Variants in CHCT1 observed in about 807,000 individuals in gnomAD.
The protein encoded by CHCT1 is CHD1 helical C-terminal domain containing 1.
chr17:60,421,906 G>T, the CHCT1 span: 1 of 985,424 alleles, frequency 1.0e-6, no homozygotes, highest in East Asian at 1.1e-4. Context: ...GTGTGAAGCG[G>T]GACCGCTGCG....
the CHCT1 span, chr17:60,422,430 G>T: frequency 1.3e-6 from 2 of 1,487,890 alleles, no homozygotes; most frequent in Non-Finnish European, 1.8e-6. Context: ...ATGGGAGCGG[G>T]GTGGGGGGCT....
chr17:60,428,777 G>C, the CHCT1 span, among the ~76,000 whole-genome samples: 1 of 151,652 alleles, frequency 6.6e-6, no homozygotes, highest in African/African-American at 2.4e-5. Flanking sequence ...ATGAGCCACC[G>C]CACCAGGCCG....
the CHCT1 span, among the ~76,000 whole-genome samples, chr17:60,423,870 C>A: frequency 6.6e-6 from 1 of 152,198 alleles, no homozygotes; most frequent in Non-Finnish European, 1.5e-5. Flanking sequence ...GTTTATTAGT[C>A]CATTTTGCAT....
the CHCT1 span, chr17:60,421,610 C>A: frequency 2.0e-6 from 2 of 980,662 alleles, no homozygotes; most frequent in South Asian, 9.4e-5. Context: ...AACGGTCTCT[C>A]GTCGCCGGGA....
chr17:60,425,718 T>G, the CHCT1 span: 8 of 1,276,712 alleles, frequency 6.3e-6, no homozygotes, highest in African/African-American at 1.2e-4. Context: ...GGTCAGTCCC[T>G]GCCAGCACTG....
chr17:60,425,773 C>T, the CHCT1 span: 1 of 1,546,212 alleles, frequency 6.5e-7, no homozygotes, highest in East Asian at 2.4e-5. Flanking sequence ...TGCCCCCTGC[C>T]TCCTCCTAGG....
At chr17:60,423,533 G>A in the CHCT1 span, among the ~76,000 whole-genome samples, 5 of 151,756 alleles carry the variant, frequency 3.3e-5, no homozygotes, top group Non-Finnish European at 4.4e-5. Flanking sequence ...GCTCAGTCTC[G>A]GCTCACTGCA....
chr17:60,428,024 A>C, the CHCT1 span, among the ~76,000 whole-genome samples: 1 of 152,152 alleles, frequency 6.6e-6, no homozygotes, highest in Non-Finnish European at 1.5e-5. Context: ...ATGAGGTCAA[A>C]ATATTACAGG....
chr17:60,430,344 A>G, the CHCT1 span, among the ~76,000 whole-genome samples: 34 of 151,962 alleles, frequency 2.2e-4, no homozygotes, highest in Non-Finnish European at 1.9e-4. Flanking sequence ...TCTTCCCATT[A>G]TTACCTGACA....
At chr17:60,422,679 T>C in the CHCT1 span, 2 of 1,511,840 alleles carry the variant, frequency 1.3e-6, no homozygotes, top group Non-Finnish European at 8.9e-7. Context: ...GGAAGGAGGG[T>C]CCCGGAGGGG....
At chr17:60,425,684 G>C in the CHCT1 span, 1 of 840,718 alleles carries the variant, frequency 1.2e-6, no homozygotes, top group Admixed American at 2.2e-5. Flanking sequence ...GAGGGCAATG[G>C]AGAAGGGCTT....
At chr17:60,422,360 G>A in the CHCT1 span, 4 of 1,113,596 alleles carry the variant, frequency 3.6e-6, no homozygotes, top group South Asian at 4.7e-5. Flanking sequence ...ATCTTGCTCC[G>A]TTCCCTAGTC....
the CHCT1 span, chr17:60,429,392 A>T: frequency 6.2e-7 from 1 of 1,613,968 alleles, no homozygotes; most frequent in Non-Finnish European, 8.5e-7. Flanking sequence ...TGCGCCGGAG[A>T]GGTCCTTGCT....
the CHCT1 span, among the ~76,000 whole-genome samples, chr17:60,424,836 G>A: frequency 0.015 from 2,312 of 151,908 alleles, 59 homozygotes; most frequent in African/African-American, 0.052. Context: ...TCACACCACT[G>A]CACTCCAGCC....
At chr17:60,422,291 G>A in the CHCT1 span, 5 of 461,056 alleles carry the variant, frequency 1.1e-5, no homozygotes, top group African/African-American at 8.2e-5. Flanking sequence ...TGGGAGAAGG[G>A]GCGCCAGCCT....
chr17:60,429,258 C>T, the CHCT1 span: 186 of 1,278,914 alleles, frequency 1.5e-4, no homozygotes, highest in African/African-American at 1.6e-3. Context: ...CAAGTGTGAC[C>T]GGCAGGCAGA....
chr17:60,431,298 C>G, the CHCT1 span: 1 of 1,515,772 alleles, frequency 6.6e-7, no homozygotes, highest in Non-Finnish European at 9.0e-7. Flanking sequence ...GCCCGCTTGT[C>G]CTGGCTCTCA....
the CHCT1 span, chr17:60,422,692 G>A: frequency 2.0e-6 from 3 of 1,499,652 alleles, no homozygotes; most frequent in Middle Eastern, 3.5e-4. Context: ...CGGAGGGGCT[G>A]GTTTTGGAAA....
At chr17:60,421,433 G>A in the CHCT1 span, 2 of 985,524 alleles carry the variant, frequency 2.0e-6, no homozygotes, top group East Asian at 1.1e-4. Flanking sequence ...GGGGAGGCCC[G>A]GGCCGACGGC....
Sources: gnomAD v4.1 joint callset for allele counts (sites outside exome capture counted in the v4.1 genomes callset) on GRCh38, gnomAD v4.1.1 for gene constraint, MANE v1.5 for transcripts, NCBI Gene and HGNC (gene_info 2026-07-23, HGNC 2026-07-21) for gene names.